Variants in ANXA2 observed in about 807,000 individuals in gnomAD.
ANXA2 encodes annexin II.
A neutral mutation model predicts 47.3 loss-of-function variants in ANXA2; 28 were observed. The ratio of observed to expected loss-of-function variants is 0.59; its 90% CI spans 0.44 to 0.81. The LOEUF (loss-of-function observed/expected upper bound fraction) is 0.81, where lower values mean the gene tolerates loss of function less well. ANXA2 is among the 40% of genes least tolerant of loss of function. ANXA2 has a pLI of 0.00. For synonymous variants in ANXA2, 172 were observed against 155.5 expected, an observed-to-expected ratio of 1.11 and a Z score of -0.79; for missense variants, 384 against 414.3, an observed-to-expected ratio of 0.93 and a Z score of 0.64.
chr15:60,366,430 G>T (rs547176520), intron 3 of ANXA2, among the ~76,000 whole-genome samples: 227 of 150,694 alleles, frequency 1.5e-3, no homozygotes, highest in African/African-American at 5.3e-3. Context: ...CCCATCGTCT[G>T]AGATGTGGGG....
chr15:60,371,627 G>A (rs960914083), intron 3 of ANXA2, among the ~76,000 whole-genome samples: 4 of 152,150 alleles, frequency 2.6e-5, no homozygotes, highest in Admixed American at 6.5e-5. Flanking sequence ...TGAAGGTCTC[G>A]GGAGAGTGGG....
intron 3 of ANXA2, 122 bp downstream of exon 3, chr15:60,382,220 C>T: frequency 1.4e-6 from 1 of 703,022 alleles, no homozygotes; most frequent in South Asian, 1.6e-5. Flanking sequence ...TCTGGATCTA[C>T]TCCATTAAAG....
chr15:60,382,679 C>T (rs972394419), intron 2 of ANXA2: 8 of 347,570 alleles, frequency 2.3e-5, no homozygotes, highest in African/African-American at 1.7e-4. Flanking sequence ...TTCAACTTCT[C>T]ATCTTACTTT....
intron 1 of ANXA2, among the ~76,000 whole-genome samples, chr15:60,392,719 G>A (rs2063029851): frequency 6.6e-6 from 1 of 152,242 alleles, no homozygotes; most frequent in Admixed American, 6.5e-5. Context: ...CAGAAGTTTT[G>A]TGGACACACC....
intron 1 of ANXA2, 191 bp downstream of exon 1, chr15:60,397,752 C>T: frequency 1.1e-6 from 1 of 929,246 alleles, no homozygotes; most frequent in Non-Finnish European, 1.4e-6. Context: ...CACCCCTGCC[C>T]CAAACACCTT....
intron 1 of ANXA2, chr15:60,397,415 C>G (rs1386085356): frequency 2.1e-5 from 15 of 698,718 alleles, no homozygotes; most frequent in Non-Finnish European, 2.3e-5. Flanking sequence ...ACACTCCCCC[C>G]TCTCGTCTTC....
chr15:60,363,993 T>C (rs1299308263), intron 4 of ANXA2, among the ~76,000 whole-genome samples: 1 of 152,216 alleles, frequency 6.6e-6, no homozygotes, highest in Admixed American at 6.5e-5. Context: ...TGTTGTTCCC[T>C]ATTCCTAACT....
intron 1 of ANXA2, among the ~76,000 whole-genome samples, chr15:60,389,235 A>G (rs1341049933): frequency 6.6e-6 from 1 of 152,226 alleles, no homozygotes; most frequent in Non-Finnish European, 1.5e-5. Flanking sequence ...CGTAAAACAA[A>G]AGCAAAACCA....
At chr15:60,363,963 G>A (rs2062554597) in intron 4 of ANXA2, among the ~76,000 whole-genome samples, 1 of 152,168 alleles carries the variant, frequency 6.6e-6, no homozygotes, top group Admixed American at 6.5e-5. Context: ...TCAATAAATG[G>A]TGCCTGTTGT....
intron 4 of ANXA2, among the ~76,000 whole-genome samples, chr15:60,363,235 C>T (rs2062544808): frequency 6.6e-6 from 1 of 152,096 alleles, no homozygotes; most frequent in Non-Finnish European, 1.5e-5. Flanking sequence ...TAAAACACTC[C>T]CCTCTATGCC....
In ANXA2 at chr15:60,364,684, C is replaced by T. The variant is rs545575203; in HGVS notation, c.149-161G>A. Among the ~76,000 whole-genome samples the T allele has an allele frequency of 1.6e-4, 25 of 152,302 alleles. No individual in the cohort carries two copies. The East Asian group carries it at 4.1e-3, about 25-fold the overall frequency. On this transcript the variant is annotated intron_variant, in intron 3 of 12. Coordinates refer to ENST00000451270, the MANE Select transcript of ANXA2 (RefSeq NM_004039.3). The stretch of plus-strand genomic sequence containing the variant: ...TTGTTCTATCTCTTTCGTCAGCATC[C>T]TCTACCCAATGTGTACACTCTCTTT...
In ANXA2 at chr15:60,352,176, G is replaced by A. The variant is rs12440018; in HGVS notation, c.682+207C>T. On this transcript the variant is annotated intron_variant, in intron 9 of 12. Coordinates refer to ENST00000451270, the MANE Select transcript of ANXA2 (RefSeq NM_004039.3). This position sits in a 1 kb window ranked among gnomAD's most constrained non-coding sequence, Gnocchi z 4.2. ...AATGATCATCAAACAAGAAGGAGCT[G>A]CAGAATAAAGCACCAAATGCAGAAA... Among the ~76,000 whole-genome samples the A allele has an allele frequency of 0.5, 76,044 of 152,080 alleles. 19,768 individuals carry two copies. The highest frequency in any genetic ancestry group is 0.62 in the African/African-American group (25,702 of 41,486).
At chr15:60,370,091 C>A (rs1412314052) in intron 3 of ANXA2, among the ~76,000 whole-genome samples, 2 of 152,166 alleles carry the variant, frequency 1.3e-5, no homozygotes, top group Non-Finnish European at 2.9e-5. Context: ...TAGGAGGCAG[C>A]AACAACCATA....
intron 1 of ANXA2, chr15:60,390,668 G>T: frequency 3.9e-6 from 1 of 258,348 alleles, no homozygotes; most frequent in Non-Finnish European, 7.7e-6. Flanking sequence ...AAAGGGCCAA[G>T]TGATCCAGTT....
intron 7 of ANXA2, among the ~76,000 whole-genome samples, chr15:60,354,882 C>T (rs149479080): frequency 0.019 from 2,851 of 152,212 alleles, 53 homozygotes; most frequent in Middle Eastern, 0.037. Flanking sequence ...TAAAGCAGCC[C>T]GGGAACCCAC....
chr15:60,359,031 T>G (rs1016304785), intron 5 of ANXA2, among the ~76,000 whole-genome samples: 2 of 152,236 alleles, frequency 1.3e-5, no homozygotes, highest in African/African-American at 4.8e-5. Context: ...CAAATTCTAC[T>G]GTAACATATG....
intron 2 of ANXA2, 106 bp from the exon 3 acceptor site, chr15:60,382,547 T>C: frequency 2.6e-6 from 2 of 777,800 alleles, no homozygotes; most frequent in Non-Finnish European, 4.2e-6. Context: ...ACAATTCAGA[T>C]CATTCTCATA....
intron 6 of ANXA2, 92 bp from the exon 7 acceptor site, chr15:60,356,090 G>A: frequency 1.1e-6 from 1 of 930,830 alleles, no homozygotes; most frequent in Non-Finnish European, 1.7e-6. Context: ...ACTCTGAGAA[G>A]CAGAACAGCT....
intron 4 of ANXA2, chr15:60,361,334 A>G: frequency 2.6e-6 from 1 of 390,486 alleles, no homozygotes; most frequent in Non-Finnish European, 4.8e-6. Flanking sequence ...GATTCCTAAG[A>G]AAGCTGTGAG....
Sources: allele counts gnomAD v4.1 joint callset (sites outside exome capture counted in the v4.1 genomes callset), GRCh38; gene constraint gnomAD v4.1.1; non-coding constraint Gnocchi (gnomAD v3.1); transcripts MANE v1.5; gene names NCBI Gene and HGNC (gene_info 2026-07-23, HGNC 2026-07-21).